Variants in LRP12 observed in about 807,000 individuals in gnomAD.
LRP12 encodes the protein LDL receptor related protein 12.
LRP12 carries 14 observed loss-of-function variants against 66.0 expected under a neutral mutation model. That is an observed-to-expected ratio of 0.21 (90% CI 0.14 to 0.33). The LOEUF (loss-of-function observed/expected upper bound fraction) is 0.33. LRP12 is among the 10% of genes least tolerant of loss of function. LRP12 has a pLI of 1.00. For missense variants in LRP12, 889 were observed against 1,053.4 expected, an observed-to-expected ratio of 0.84 and a Z score of 2.16; for synonymous variants, 357 against 359.1, an observed-to-expected ratio of 0.99 and a Z score of 0.07.
At position 104,589,232 on chromosome 8, in the gene LRP12, C is replaced by A. The variant is rs893694859; in HGVS notation, c.-335G>T. On this transcript the variant is annotated 5_prime_UTR_variant, in exon 1 of 7. Transcript: ENST00000276654. ...GGACTCCGGCCTCGCGCCGCTCGGG[C>A]TAGCCGGCGCCGCCACTCGCCAGAC... Among the ~76,000 whole-genome samples the A allele has an allele frequency of 6.6e-6, 1 of 151,634 alleles. No individual in the cohort carries two copies. The highest frequency in any genetic ancestry group is 1.5e-5 in the Non-Finnish European group (1 of 67,796).
intron 1 of LRP12, among the ~76,000 whole-genome samples, chr8:104,567,560 T>A (rs756039550): frequency 1.3e-5 from 2 of 152,130 alleles, no homozygotes; most frequent in Non-Finnish European, 2.9e-5. Context: ...CCTATTTGCA[T>A]ATGATAAAAT....
chr8:104,528,636 G>A (rs7817730), intron 2 of LRP12, among the ~76,000 whole-genome samples: 4,658 of 151,960 alleles, frequency 0.031, 237 homozygotes, highest in African/African-American at 0.11. Flanking sequence ...TTAGCTGGGC[G>A]TGGTGGCGCA....
chr8:104,550,769 T>C (rs1811713441), intron 1 of LRP12, among the ~76,000 whole-genome samples: 1 of 152,216 alleles, frequency 6.6e-6, no homozygotes, highest in African/African-American at 2.4e-5. Context: ...GAACACAGAA[T>C]AGTGCCTGGT....
intron 3 of LRP12, 148 bp from the exon 4 acceptor site, chr8:104,499,667 T>C (rs923794819): frequency 1.8e-6 from 1 of 561,434 alleles, no homozygotes; most frequent in Non-Finnish European, 3.1e-6. Context: ...CATTAGCAAA[T>C]AATAATACTA....
At chr8:104,580,241 G>C (rs1444204298) in intron 1 of LRP12, among the ~76,000 whole-genome samples, 1 of 152,050 alleles carries the variant, frequency 6.6e-6, no homozygotes, top group Non-Finnish European at 1.5e-5. Flanking sequence ...TCTAGGCTGG[G>C]TGCGGTGGCT....
intron 1 of LRP12, 91 bp downstream of exon 1, chr8:104,588,728 G>C (rs1289245216): frequency 1.1e-5 from 12 of 1,090,774 alleles, no homozygotes; most frequent in Non-Finnish European, 1.6e-5. Flanking sequence ...CTCCGCGGGA[G>C]TCTCCAGGGG....
intron 1 of LRP12, among the ~76,000 whole-genome samples, chr8:104,587,021 CCAGAAAG>C (rs1812343558): frequency 6.6e-6 from 1 of 152,106 alleles, no homozygotes; most frequent in Non-Finnish European, 1.5e-5. Flanking sequence ...TAGGCACCTA[CCAGAAAG>C]TCACTTTGTG....
intron 1 of LRP12, among the ~76,000 whole-genome samples, chr8:104,572,729 T>A (rs531585318): frequency 2.4e-4 from 36 of 152,196 alleles, no homozygotes; most frequent in Admixed American, 8.5e-4. Context: ...CTAGAACATA[T>A]AACTTAATAT....
rs1381156020 is a variant in LRP12 at position 104,491,067 on chromosome 8, G to A, written c.2186C>T (p.Ala729Val). 6.2e-7 allele frequency: 1 copy of A among 1,614,128 alleles called. No individual in the cohort carries two copies. Among genetic ancestry groups the A allele is most frequent in the Non-Finnish European group, 8.5e-7 (1 of 1,180,020 alleles). Residue 729 changes from alanine to valine, a missense_variant, in exon 7 of 7, where the codon GCA (alanine) becomes GTA (valine). Physicochemically the swap from Ala to Val is moderately conservative, Grantham distance 64 (BLOSUM62 0). Coordinates refer to ENST00000276654, the MANE Select transcript of LRP12 (RefSeq NM_013437.5). ...TAGCCCCTGAGTCATACGACTGAGT[G>A]CACTTGTAAGCTGGTGACGTGCTGG... ...VSPARHQLTS[A>V]LSRMTQGLRW...
At chr8:104,535,608 C>T (rs1388964117) in intron 1 of LRP12, among the ~76,000 whole-genome samples, 2 of 152,000 alleles carry the variant, frequency 1.3e-5, no homozygotes, top group Non-Finnish European at 2.9e-5. Flanking sequence ...AAGTGCCTTA[C>T]AAGCGTTCAC....
At chr8:104,547,421 T>C (rs555896209) in intron 1 of LRP12, among the ~76,000 whole-genome samples, 529 of 135,894 alleles carry the variant, frequency 3.9e-3, no homozygotes, top group Non-Finnish European at 6.4e-3. Flanking sequence ...ATTTTGTATA[T>C]AATATACAAT....
At chr8:104,585,388 G>C (rs970097114) in intron 1 of LRP12, among the ~76,000 whole-genome samples, 1 of 152,126 alleles carries the variant, frequency 6.6e-6, no homozygotes, top group Non-Finnish European at 1.5e-5. Context: ...AGCACACCTG[G>C]CTAATTTTTG....
intron 2 of LRP12, among the ~76,000 whole-genome samples, chr8:104,513,320 G>A (rs1312235596): frequency 6.6e-6 from 1 of 152,050 alleles, no homozygotes; most frequent in Non-Finnish European, 1.5e-5. Flanking sequence ...CTAAATTTTT[G>A]GGGGCGCTAT....
chr8:104,559,619 CTTT>C (rs940896847), intron 1 of LRP12, among the ~76,000 whole-genome samples: 4 of 151,468 alleles, frequency 2.6e-5, no homozygotes. Flanking sequence ...GAAATAAAAA[CTTT>C]TTTAATTAAA....
chr8:104,559,308 C>A (rs1360546750), intron 1 of LRP12, among the ~76,000 whole-genome samples: 1 of 151,998 alleles, frequency 6.6e-6, no homozygotes, highest in African/African-American at 2.4e-5. Context: ...TTTGCAGCAA[C>A]CTGGATGGAA....
intron 1 of LRP12, among the ~76,000 whole-genome samples, chr8:104,544,727 C>T (rs528778377): frequency 1.1e-4 from 16 of 152,166 alleles, no homozygotes; most frequent in Admixed American, 3.3e-4. Flanking sequence ...TGAGACCATC[C>T]GCTCAGAAAA....
rs571600454 is a variant in LRP12, at chr8:104,585,610, A to G, written c.79+3209T>C. 2.6e-5 allele frequency among the ~76,000 whole-genome samples: 4 copies of G among 152,326 alleles called. No individual in the cohort carries two copies. The South Asian group carries it at 8.3e-4, about 32-fold the overall frequency. ...TTATTAGTGGATCCAAAATTTATTT[A>G]ATGAGTCCAGACCAGCAAATGAAGA... On this transcript the variant is annotated intron_variant, in intron 1 of 6. Transcript: ENST00000276654.
intron 1 of LRP12, among the ~76,000 whole-genome samples, chr8:104,547,614 A>G (rs1448169246): frequency 1.7e-5 from 2 of 119,000 alleles, no homozygotes; most frequent in East Asian, 2.2e-4. Context: ...ATTAATATAT[A>G]ATATATTAAT....
At chr8:104,495,533 A>T (rs1011369726) in intron 5 of LRP12, 7 of 191,006 alleles carry the variant, frequency 3.7e-5, no homozygotes, top group Non-Finnish European at 6.4e-5. Flanking sequence ...TACTGAATAT[A>T]CGTTGAAGCC....
Sources: allele counts gnomAD v4.1 joint callset (sites outside exome capture counted in the v4.1 genomes callset), GRCh38; gene constraint gnomAD v4.1.1; transcripts MANE v1.5; gene names NCBI Gene and HGNC (gene_info 2026-07-23, HGNC 2026-07-21).